The following SNX1 variants were observed in gnomAD, a reference collection of about 807,000 sequenced individuals.
The protein encoded by SNX1 is sorting nexin-1.
A neutral mutation model predicts 71.8 loss-of-function variants in SNX1; 36 were observed. That is an observed-to-expected ratio of 0.50 (90% CI 0.38 to 0.66). The LOEUF is 0.66. Ranked by LOEUF, SNX1 falls within the 30% of genes least tolerant of loss-of-function variation. SNX1 has a pLI of 0.00. For synonymous variants in SNX1, 254 were observed against 240.7 expected (o/e 1.06, Z -0.51); for missense variants, 612 against 646.7 (o/e 0.95, Z 0.58).
At chr15:64,109,490 TTTTTGTTTTGTTTTGTTTTG>T (rs142477216) in intron 1 of SNX1, among the ~76,000 whole-genome samples, 3 of 149,830 alleles carry the variant, frequency 2.0e-5, no homozygotes, top group East Asian at 4.0e-4. Flanking sequence ...CTAGTGAAGA[TTTTTGTTTTGTTTTGTTTTG>T]TTTTGTTTTG....
At chr15:64,112,531 T>A (rs1014081597) in intron 1 of SNX1, 42 bp from the exon 2 acceptor site, 14 of 1,433,270 alleles carry the variant, frequency 9.8e-6, no homozygotes, top group Non-Finnish European at 1.2e-5. Context: ...TGGGTTTGTT[T>A]TTCATGGTAA....
chr15:64,131,709 G>A lies in SNX1; in HGVS notation c.1038G>A (p.Gln346=). ...CAGAGCTAGCGCTGAACACAGCCCA[G>A]TTTGCAAAGAGTCTAGCCATGCTTG... ...HRKELALNTA[Q]FAKSLAMLGS... is the part of the protein sequence containing the mutation. Residue 346 remains glutamine (Q), a synonymous_variant, in exon 11 of 15, where the codon CAG becomes CAA. Coordinates refer to ENST00000559844, the MANE Select transcript of SNX1 (RefSeq NM_003099.5). The A allele has an allele frequency of 6.2e-7, 1 of 1,614,160 alleles. No homozygotes were observed. Among genetic ancestry groups the A allele is most frequent in the South Asian group, 1.1e-5 (1 of 91,090 alleles).
At chr15:64,104,489 G>A (rs998933554) in intron 1 of SNX1, among the ~76,000 whole-genome samples, 1 of 151,954 alleles carries the variant, frequency 6.6e-6, no homozygotes, top group South Asian at 2.1e-4. Flanking sequence ...TAGCCAGGAT[G>A]GTCTCAATCT....
At chr15:64,097,744 G>A (rs184978452) in intron 1 of SNX1, among the ~76,000 whole-genome samples, 101 of 152,314 alleles carry the variant, frequency 6.6e-4, no homozygotes, top group African/African-American at 2.3e-3. Flanking sequence ...AAAATTCAAT[G>A]CTGGGTCTGT....
chr15:64,133,065 G>A (rs1258125209), intron 11 of SNX1, among the ~76,000 whole-genome samples: 1 of 152,246 alleles, frequency 6.6e-6, no homozygotes, highest in Non-Finnish European at 1.5e-5. Flanking sequence ...TGAGGGCCTT[G>A]CTTAGAGCTA....
At chr15:64,125,230 A>G (rs1181804010) in intron 5 of SNX1, among the ~76,000 whole-genome samples, 2 of 152,154 alleles carry the variant, frequency 1.3e-5, no homozygotes, top group Non-Finnish European at 2.9e-5. Context: ...TGGGAGGCTG[A>G]GGCAGGTGGA....
rs73448955 is a variant in SNX1 at position 64,139,075 on chromosome 15, T to A, written c.*1457T>A. ...AGGTGAAGTTTTTGGAAAAAGTCACTCTCCCTACCCCTCAGTATCCTTACC... is the reference window on the plus strand; with the variant it reads ...AGGTGAAGTTTTTGGAAAAAGTCACACTCCCTACCCCTCAGTATCCTTACC... On this transcript the variant is annotated 3_prime_UTR_variant, in exon 15 of 15. Transcript: ENST00000559844. 1.6e-3 allele frequency: 240 copies of A among 152,280 alleles called. No individual in the cohort carries two copies. Among genetic ancestry groups the A allele is most frequent in the African/African-American group, 5.6e-3 (232 of 41,532 alleles). The allele number at this position is 152,280 out of a possible 1,614,324, so 9.4% of individuals were successfully genotyped here. A position where few individuals can be genotyped will look rare whatever the true frequency, so the allele number is the denominator to read the frequency against.
In SNX1 at chr15:64,136,898, A is replaced by G. The variant is rs376050549; in HGVS notation, c.1484A>G (p.Lys495Arg). ...AAGGACTTCAAGAACCACGTGATCA[A>G]GTACCTTGAGACACTCCTTTACTCA... ...KSKDFKNHVI[K>R]YLETLLYSQQ... The change falls in exon 14 of 15, where the codon AAG becomes AGG. Residue 495 changes from lysine (K) to arginine (R), a missense_variant. Lys to Arg is a conservative substitution (Grantham distance 26). This residue lies in a region of SNX1 where 296 missense variants were observed against 361.9 expected (regional missense o/e 0.82). Transcript: ENST00000559844. The G allele has an allele frequency of 6.8e-6, 11 of 1,613,918 alleles. No homozygotes were observed. The highest frequency in any genetic ancestry group is 9.3e-6 in the Non-Finnish European group (11 of 1,179,950).
rs1461593311 is a variant in SNX1, at chr15:64,143,731, C to G, written c.*6113C>G. On this transcript the variant is annotated 3_prime_UTR_variant, in exon 15 of 15. Transcript: ENST00000559844. ...TCTGAAGCAGGCATTTTCCAATGCC[C>G]TAGATGGGAATATAAGTGTAAGGAG... The G allele has an allele frequency of 1.3e-5, 2 of 152,174 alleles. No individual in the cohort carries two copies. The highest frequency in any genetic ancestry group is 4.8e-5 in the African/African-American group (2 of 41,432). 9.4% of individuals were successfully genotyped at this position (152,174 alleles called of 1,614,324 possible).
rs1311893067 is a variant in SNX1 at position 64,142,944 on chromosome 15, ACTC to A, written c.*5329_*5331del. 2 of 277,624 alleles carry A rather than the reference ACTC, an allele frequency of 7.2e-6. No homozygotes were observed. The highest frequency in any genetic ancestry group is 2.1e-4 in the East Asian group (2 of 9,644). 17.2% of individuals were successfully genotyped at this position (277,624 alleles called of 1,614,324 possible). A position where few individuals can be genotyped will look rare whatever the true frequency, so the allele number is the denominator to read the frequency against. On this transcript the variant is annotated 3_prime_UTR_variant, in exon 15 of 15. Coordinates refer to ENST00000559844, the MANE Select transcript of SNX1 (RefSeq NM_003099.5). ...ACTCAAGTTTTAAAAAAGGGGAGGA[ACTC>A]CTGGAAATCTCAGGATGGGGCCAAG... is the stretch of plus-strand genomic sequence containing the variant.
Position 64,127,793 on chromosome 15 carries a change from T to C in SNX1, c.794T>C (p.Leu265Ser). The change falls in exon 8 of 15, where the codon TTG becomes TCG. Residue 265 changes from leucine to serine, a missense_variant. Transcript: ENST00000559844. ...CAGGACCCTGACGTCAGAGAGTTCT[T>C]GGAAAAAGAAGAGGTTAGTATTCAG... is the stretch of plus-strand genomic sequence containing the variant. Reference protein sequence around the residue: ...MLQDPDVREFLEKEELPRAVG... With the variant: ...MLQDPDVREFSEKEELPRAVG... 1 of 1,613,532 alleles carries C rather than the reference T, an allele frequency of 6.2e-7. No individual in the cohort carries two copies. Among genetic ancestry groups the C allele is most frequent in the Non-Finnish European group, 8.5e-7 (1 of 1,179,532 alleles).
At chr15:64,126,698 G>C (rs1041947365) in intron 6 of SNX1, among the ~76,000 whole-genome samples, 2 of 152,102 alleles carry the variant, frequency 1.3e-5, no homozygotes, top group Admixed American at 1.3e-4. Context: ...TCCTGCCTCA[G>C]CCTCCCGCTT....
At chr15:64,104,960 C>T (rs2081004472) in intron 1 of SNX1, among the ~76,000 whole-genome samples, 1 of 150,600 alleles carries the variant, frequency 6.6e-6, no homozygotes, top group Non-Finnish European at 1.5e-5. Flanking sequence ...TGGGGCCGGG[C>T]ACGGTGGCTC....
intron 1 of SNX1, 43 bp downstream of exon 1, chr15:64,096,215 G>C: frequency 1.3e-6 from 2 of 1,537,026 alleles, no homozygotes; most frequent in South Asian, 1.2e-5. Flanking sequence ...AGGGCACCCC[G>C]AAAGGGAAGA....
intron 11 of SNX1, among the ~76,000 whole-genome samples, chr15:64,132,173 G>A (rs1049083967): frequency 2.0e-5 from 3 of 152,234 alleles, no homozygotes; most frequent in African/African-American, 7.2e-5. Context: ...GTTGAGGCCA[G>A]ACAGTGTCTT....
intron 1 of SNX1, among the ~76,000 whole-genome samples, chr15:64,106,806 C>A (rs1314803457): frequency 3.3e-5 from 5 of 152,240 alleles, no homozygotes. Flanking sequence ...GAAACAGATT[C>A]TTTCCTAGAA....
chr15:64,125,991 TG>T (rs1305605048), intron 5 of SNX1, 87 bp from the exon 6 acceptor site: 2 of 1,383,010 alleles, frequency 1.4e-6, no homozygotes, highest in African/African-American at 2.9e-5. Flanking sequence ...ATCTGGGAAA[TG>T]GGTTTCTTTA....
At chr15:64,100,267 C>T (rs1294303736) in intron 1 of SNX1, among the ~76,000 whole-genome samples, 1 of 152,144 alleles carries the variant, frequency 6.6e-6, no homozygotes, top group African/African-American at 2.4e-5. Context: ...AAAGAGCAGG[C>T]TTACACATGC....
chr15:64,105,056 G>A (rs1156822987), intron 1 of SNX1, among the ~76,000 whole-genome samples: 3 of 151,856 alleles, frequency 2.0e-5, no homozygotes, highest in Non-Finnish European at 2.9e-5. Flanking sequence ...CTAACATGGC[G>A]AACCCCTGTC....
Sources: gnomAD v4.1 joint callset for allele counts (sites outside exome capture counted in the v4.1 genomes callset) on GRCh38, gnomAD v4.1.1 for gene constraint, gnomAD v4.1.1 regional missense constraint, MANE v1.5 for transcripts, NCBI Gene and HGNC (gene_info 2026-07-23, HGNC 2026-07-21) for gene names.